NR3C2: variants seen among roughly 807,000 people sequenced by gnomAD.
NR3C2 encodes the protein nuclear receptor subfamily 3 group C member 2.
Under a neutral mutation model 86.4 loss-of-function variants are expected in NR3C2, and 15 were observed. The ratio of observed to expected loss-of-function variants is 0.17; its 90% CI spans 0.12 to 0.27. The LOEUF is 0.27. NR3C2 is among the 10% of genes least tolerant of loss of function. The pLI, the probability that NR3C2 is intolerant of heterozygous loss-of-function variation, is 1.00. For missense variants in NR3C2, 960 were observed against 1,195.6 expected (o/e 0.80, Z 2.91); for synonymous variants, 458 against 450.5 (o/e 1.02, Z -0.21).
At chr4:148,209,913 C>T (rs1450017998) in intron 3 of NR3C2, among the ~76,000 whole-genome samples, 1 of 152,186 alleles carries the variant, frequency 6.6e-6, no homozygotes, top group Non-Finnish European at 1.5e-5. Context: ...GATCAATTTG[C>T]TTAGGGCACC....
At chr4:148,410,059 G>A (rs1183148042) in intron 2 of NR3C2, among the ~76,000 whole-genome samples, 1 of 151,836 alleles carries the variant, frequency 6.6e-6, no homozygotes, top group Non-Finnish European at 1.5e-5. Context: ...AAGCTATTAA[G>A]TACGTCACAT....
intron 2 of NR3C2, among the ~76,000 whole-genome samples, chr4:148,319,790 G>C (rs1464759742): frequency 6.7e-6 from 1 of 149,904 alleles, no homozygotes; most frequent in Non-Finnish European, 1.5e-5. Flanking sequence ...GAGACAATGG[G>C]TTTTTCTAGA....
chr4:148,432,384 T>G (rs1749835601), intron 2 of NR3C2, among the ~76,000 whole-genome samples: 1 of 152,168 alleles, frequency 6.6e-6, no homozygotes, highest in African/African-American at 2.4e-5. Flanking sequence ...CCTTAAAGGT[T>G]AGTTTCAATG....
At chr4:148,216,458 T>C (rs1034256497) in intron 3 of NR3C2, among the ~76,000 whole-genome samples, 1 of 152,156 alleles carries the variant, frequency 6.6e-6, no homozygotes, top group Non-Finnish European at 1.5e-5. Context: ...GTGAAGTAAC[T>C]TGCCTAAGTG....
chr4:148,124,042 C>T (rs1396472942), intron 6 of NR3C2, among the ~76,000 whole-genome samples: 1 of 152,178 alleles, frequency 6.6e-6, no homozygotes, highest in Non-Finnish European at 1.5e-5. Flanking sequence ...TGTTCAAGAC[C>T]AGCCTGGCCA....
chr4:148,328,061 TA>T (rs11323955), intron 2 of NR3C2, among the ~76,000 whole-genome samples: 51,398 of 152,020 alleles, frequency 0.34, 9,940 homozygotes, highest in African/African-American at 0.53. Flanking sequence ...GCTCTGGGTT[TA>T]ACTTCAACAC....
At chr4:148,198,570 G>T (rs1369266085) in intron 3 of NR3C2, among the ~76,000 whole-genome samples, 4 of 152,070 alleles carry the variant, frequency 2.6e-5, no homozygotes, top group African/African-American at 9.7e-5. Flanking sequence ...TCAGCCAAGT[G>T]GCTCAATGTT....
chr4:148,410,588 A>C (rs558774828), intron 2 of NR3C2, among the ~76,000 whole-genome samples: 64 of 152,212 alleles, frequency 4.2e-4, no homozygotes, highest in Non-Finnish European at 8.1e-4. Flanking sequence ...AAATAAAATT[A>C]AAATACAACC....
chr4:148,126,193 T>A (rs1437436803), intron 6 of NR3C2, among the ~76,000 whole-genome samples: 1 of 152,248 alleles, frequency 6.6e-6, no homozygotes, highest in Non-Finnish European at 1.5e-5. Context: ...TTTGTGATCA[T>A]GTACCATCTG....
intron 3 of NR3C2, among the ~76,000 whole-genome samples, chr4:148,253,898 T>C (rs954069376): frequency 2.0e-5 from 3 of 152,176 alleles, no homozygotes; most frequent in East Asian, 3.9e-4. Context: ...TTAGTAGGTA[T>C]TGAGTAAATG....
At chr4:148,095,175 T>A (rs955840532) in intron 8 of NR3C2, among the ~76,000 whole-genome samples, 1 of 152,194 alleles carries the variant, frequency 6.6e-6, no homozygotes, top group Admixed American at 6.5e-5. Context: ...GAGCTATGTA[T>A]ATTCCACAAT....
intron 3 of NR3C2, among the ~76,000 whole-genome samples, chr4:148,242,192 G>A (rs1739087827): frequency 6.6e-6 from 1 of 152,162 alleles, no homozygotes; most frequent in African/African-American, 2.4e-5. Flanking sequence ...AAATAATTAA[G>A]ATGATAAATC....
Position 148,131,687 on chromosome 4 carries a change from C to T in NR3C2, c.2511-11399G>A, listed in dbSNP as rs548915486. Reference sequence around the variant, plus strand: ...AATCACCTGAGAATGCTATTGTGGTCTGCCTTACTGGTCTAATGTGTTAGA... The same window carrying T: ...AATCACCTGAGAATGCTATTGTGGTTTGCCTTACTGGTCTAATGTGTTAGA... On this transcript the variant is annotated intron_variant, in intron 6 of 8. Coordinates refer to ENST00000358102, the MANE Select transcript of NR3C2 (RefSeq NM_000901.5). 4.7e-4 allele frequency among the ~76,000 whole-genome samples: 71 copies of T among 152,312 alleles called. No individual in the cohort carries two copies. The East Asian group carries it at 4.8e-3, about 10-fold the overall frequency.
intron 2 of NR3C2, among the ~76,000 whole-genome samples, chr4:148,281,940 G>A (rs914951778): frequency 1.3e-5 from 2 of 152,232 alleles, no homozygotes; most frequent in Non-Finnish European, 2.9e-5. Flanking sequence ...TCATTGCAGA[G>A]GCAGTGATAC....
At chr4:148,178,624 C>T (rs1578977975) in intron 4 of NR3C2, among the ~76,000 whole-genome samples, 1 of 151,414 alleles carries the variant, frequency 6.6e-6, no homozygotes, top group African/African-American at 2.4e-5. Flanking sequence ...AAAGGTTCTC[C>T]CGCTTTCTAC....
chr4:148,095,626 C>T (rs953794550), intron 8 of NR3C2, among the ~76,000 whole-genome samples: 4 of 152,194 alleles, frequency 2.6e-5, no homozygotes, highest in South Asian at 2.1e-4. Flanking sequence ...ATGCTAGGCA[C>T]GTGAGAGGCA....
At chr4:148,338,271 A>G (rs1467900027) in intron 2 of NR3C2, among the ~76,000 whole-genome samples, 5 of 152,220 alleles carry the variant, frequency 3.3e-5, no homozygotes, top group Non-Finnish European at 7.4e-5. Flanking sequence ...GTTAATAACT[A>G]TCTTAGAAGA....
chr4:148,136,589 T>C (rs1189744176), intron 6 of NR3C2, among the ~76,000 whole-genome samples: 1 of 152,152 alleles, frequency 6.6e-6, no homozygotes, highest in Non-Finnish European at 1.5e-5. Context: ...CAGCATGGCC[T>C]TTCAAGCTAC....
At chr4:148,230,349 A>T (rs1434062780) in intron 3 of NR3C2, among the ~76,000 whole-genome samples, 1 of 152,030 alleles carries the variant, frequency 6.6e-6, no homozygotes, top group Admixed American at 6.6e-5. Flanking sequence ...GTGTGCCATC[A>T]CACCTGGCTA....
Sources: allele counts gnomAD v4.1 joint callset (sites outside exome capture counted in the v4.1 genomes callset), GRCh38; gene constraint gnomAD v4.1.1; transcripts MANE v1.5; gene names NCBI Gene and HGNC (gene_info 2026-07-23, HGNC 2026-07-21).